The following PEX5L variants were observed in gnomAD, a reference collection of about 807,000 sequenced individuals.
The protein encoded by PEX5L is peroxisomal biogenesis factor 5 like, also known as PEX5-related protein.
Under a neutral mutation model 84.0 loss-of-function variants are expected in PEX5L, and 30 were observed. The observed-to-expected ratio is 0.36, with a 90% CI of 0.27 to 0.48. The LOEUF (loss-of-function observed/expected upper bound fraction) is 0.48. PEX5L is among the 20% of genes least tolerant of loss of function. PEX5L has a pLI of 0.99. For synonymous variants in PEX5L, 270 were observed against 283.1 expected, an observed-to-expected ratio of 0.95 and a Z score of 0.46; for missense variants, 533 against 754.6, an observed-to-expected ratio of 0.71 and a Z score of 3.44.
At chr3:179,898,105 T>C (rs1450575993) in intron 3 of PEX5L, 37 bp downstream of exon 3, 3 of 1,307,296 alleles carry the variant, frequency 2.3e-6, no homozygotes, top group Admixed American at 1.7e-5. Flanking sequence ...TATTAACATA[T>C]GTCAGCTTCC....
intron 8 of PEX5L, among the ~76,000 whole-genome samples, chr3:179,846,040 C>T (rs1286273966): frequency 2.0e-5 from 3 of 152,052 alleles, no homozygotes; most frequent in Non-Finnish European, 2.9e-5. Context: ...CATGGTGGTG[C>T]GTGCCTGTAA....
chr3:179,939,513 A>G (rs143032499), intron 2 of PEX5L, among the ~76,000 whole-genome samples: 284 of 152,346 alleles, frequency 1.9e-3, no homozygotes, highest in Middle Eastern at 0.01. Flanking sequence ...AAAGCTTCAA[A>G]GAAAGTCTGA....
chr3:179,957,178 CA>C (rs1780796096), intron 2 of PEX5L, among the ~76,000 whole-genome samples: 1 of 152,146 alleles, frequency 6.6e-6, no homozygotes, highest in Non-Finnish European at 1.5e-5. Context: ...AATTATCTTG[CA>C]ATTATGCAAA....
chr3:179,835,504 A>T (rs1734617616), intron 8 of PEX5L, among the ~76,000 whole-genome samples: 1 of 152,168 alleles, frequency 6.6e-6, no homozygotes, highest in African/African-American at 2.4e-5. Context: ...AAACAGCAAT[A>T]GTGGCTTTGT....
At position 179,798,494 on chromosome 3, in the gene PEX5L, G is replaced by T. The variant is rs1717891890; in HGVS notation, c.*3334C>A. 1.3e-5 allele frequency: 2 copies of T among 152,148 alleles called. No homozygotes were observed. The highest frequency in any genetic ancestry group is 4.8e-5 in the African/African-American group (2 of 41,416). The allele number at this position is 152,148 out of a possible 1,614,324, so 9.4% of individuals were successfully genotyped here. A position where few individuals can be genotyped will look rare whatever the true frequency, so the allele number is the denominator to read the frequency against. ...CATGTAGAAGTAGCCTACTAGAAAT[G>T]GTTATATTTTGAAACTCAGCAATAA... On this transcript the variant is annotated 3_prime_UTR_variant, in exon 15 of 15. Coordinates refer to ENST00000467460, the MANE Select transcript of PEX5L (RefSeq NM_016559.3).
intron 1 of PEX5L, among the ~76,000 whole-genome samples, chr3:180,007,905 G>A (rs1019869381): frequency 6.6e-6 from 1 of 152,214 alleles, no homozygotes; most frequent in African/African-American, 2.4e-5. Context: ...CTGGGCCTGT[G>A]ATGGGAGGGA....
Position 179,797,626 on chromosome 3 carries a change from ATATATC to A in PEX5L, c.*4196_*4201del, listed in dbSNP as rs1717564916. 3 of 145,892 alleles carry A rather than the reference ATATATC, an allele frequency of 2.1e-5. No homozygotes were observed. Among genetic ancestry groups the A allele is most frequent in the African/African-American group, 7.6e-5 (3 of 39,706 alleles). 9.0% of individuals were successfully genotyped at this position (145,892 alleles called of 1,614,324 possible). ...AAAAAATATATATATATATATATATATATATCTACTTCTTAGTTCAAAACAGTTTAA... is the reference window on the plus strand; with the variant it reads ...AAAAAATATATATATATATATATATATACTTCTTAGTTCAAAACAGTTTAA... On this transcript the variant is annotated 3_prime_UTR_variant, in exon 15 of 15. Coordinates refer to ENST00000467460, the MANE Select transcript of PEX5L (RefSeq NM_016559.3).
chr3:179,899,316 C>T (rs1392065272), intron 2 of PEX5L, among the ~76,000 whole-genome samples: 1 of 152,030 alleles, frequency 6.6e-6, no homozygotes. Flanking sequence ...GGTAAAGCCT[C>T]CCTGAAGAAA....
At chr3:179,826,263 C>T (rs138735787) in intron 8 of PEX5L, among the ~76,000 whole-genome samples, 20 of 152,240 alleles carry the variant, frequency 1.3e-4, no homozygotes, top group African/African-American at 4.8e-4. Flanking sequence ...TTCCTCCTTA[C>T]CCAGCAAGAG....
intron 14 of PEX5L, among the ~76,000 whole-genome samples, chr3:179,805,675 T>G (rs899201164): frequency 9.2e-5 from 14 of 152,188 alleles, no homozygotes; most frequent in Non-Finnish European, 1.6e-4. Flanking sequence ...CACTAAAAAC[T>G]TATTTGTTGT....
intron 7 of PEX5L, among the ~76,000 whole-genome samples, chr3:179,867,405 G>A (rs1484049198): frequency 6.6e-6 from 1 of 151,900 alleles, no homozygotes; most frequent in African/African-American, 2.4e-5. Flanking sequence ...AGAATGTACT[G>A]TGTACAGATT....
intron 1 of PEX5L, among the ~76,000 whole-genome samples, chr3:179,994,228 T>C (rs1787647490): frequency 6.6e-6 from 1 of 152,184 alleles, no homozygotes; most frequent in Non-Finnish European, 1.5e-5. Context: ...AGCCATCCCA[T>C]AGATAAATGG....
At chr3:180,014,672 AAC>A (rs369497681) in intron 1 of PEX5L, among the ~76,000 whole-genome samples, 12 of 152,216 alleles carry the variant, frequency 7.9e-5, no homozygotes, top group African/African-American at 2.7e-4. Context: ...GTCATATAAA[AAC>A]AGTTTTAAAA....
At chr3:179,957,436 G>T (rs531244295) in intron 2 of PEX5L, among the ~76,000 whole-genome samples, 1 of 152,260 alleles carries the variant, frequency 6.6e-6, no homozygotes, top group African/African-American at 2.4e-5. Flanking sequence ...GTCATGTCAG[G>T]TGAAAGTCTA....
intron 7 of PEX5L, among the ~76,000 whole-genome samples, chr3:179,868,566 T>C: frequency 6.6e-6 from 1 of 152,140 alleles, no homozygotes; most frequent in East Asian, 1.9e-4. Context: ...TGTCTTTTGT[T>C]GGGGAAATTC....
intron 7 of PEX5L, among the ~76,000 whole-genome samples, chr3:179,865,741 A>G (rs1379791490): frequency 6.6e-6 from 1 of 152,168 alleles, no homozygotes; most frequent in East Asian, 1.9e-4. Flanking sequence ...TAAAATGCAG[A>G]TTGCTAGGCC....
chr3:180,027,717 T>C (rs1322064459), intron 1 of PEX5L, among the ~76,000 whole-genome samples: 1 of 152,224 alleles, frequency 6.6e-6, no homozygotes, highest in Non-Finnish European at 1.5e-5. Context: ...GGTGTCCTTA[T>C]AGCAATTTCC....
intron 9 of PEX5L, among the ~76,000 whole-genome samples, chr3:179,818,818 GTA>G (rs2108922511): frequency 6.6e-6 from 1 of 150,814 alleles, no homozygotes; most frequent in South Asian, 2.1e-4. Context: ...GTACTCCATT[GTA>G]TATATGTACC....
At chr3:179,916,331 T>G (rs1353506425) in intron 2 of PEX5L, among the ~76,000 whole-genome samples, 2 of 152,230 alleles carry the variant, frequency 1.3e-5, no homozygotes, top group South Asian at 4.1e-4. Context: ...CACGTAACTG[T>G]ACTGAATACT....
Sources: allele counts gnomAD v4.1 joint callset (sites outside exome capture counted in the v4.1 genomes callset), GRCh38; gene constraint gnomAD v4.1.1; transcripts MANE v1.5; gene names NCBI Gene and HGNC (gene_info 2026-07-23, HGNC 2026-07-21).